Variants in SFSWAP observed in about 807,000 individuals in gnomAD.
SFSWAP encodes splicing factor SWAP.
Under a neutral mutation model 100.7 loss-of-function variants are expected in SFSWAP, and 17 were observed. The ratio of observed to expected loss-of-function variants is 0.17; its 90% CI spans 0.12 to 0.25. SFSWAP has a LOEUF of 0.25. Ranked by LOEUF, SFSWAP falls within the 10% of genes least tolerant of loss-of-function variation. SFSWAP has a pLI of 1.00. For synonymous variants in SFSWAP, 504 were observed against 510.1 expected, an observed-to-expected ratio of 0.99 and a Z score of 0.16; for missense variants, 1,005 against 1,262.6, an observed-to-expected ratio of 0.80 and a Z score of 3.09.
Position 131,714,742 on chromosome 12 carries a change from T to C in SFSWAP, c.389-80T>C, listed in dbSNP as rs935312510. On this transcript the variant is annotated intron_variant, in intron 2 of 17. Transcript: ENST00000261674. This position sits in a 1 kb window ranked among gnomAD's most constrained non-coding sequence, Gnocchi z 6.0. Reference sequence around the variant, plus strand: ...AAAAGTATGTTGTATGCTTTACTGATAGCTACAACTTTAGAAATATATAAA... The same window carrying C: ...AAAAGTATGTTGTATGCTTTACTGACAGCTACAACTTTAGAAATATATAAA... 7.5e-7 allele frequency: 1 copy of C among 1,333,976 alleles called. No homozygotes were observed. The highest frequency in any genetic ancestry group is 1.5e-5 in the African/African-American group (1 of 67,992). 82.6% of individuals were successfully genotyped at this position (1,333,976 alleles called of 1,614,324 possible). A position where few individuals can be genotyped will look rare whatever the true frequency, so the allele number is the denominator to read the frequency against.
chr12:131,784,890 A>G, intron 14 of SFSWAP: 1 of 460,666 alleles, frequency 2.2e-6, no homozygotes. Flanking sequence ...TTCAAAGTTA[A>G]GAATTTGCAG....
intron 12 of SFSWAP, 99 bp from the exon 13 acceptor site, chr12:131,766,019 T>C: frequency 8.3e-7 from 1 of 1,205,544 alleles, no homozygotes; most frequent in Middle Eastern, 2.6e-4. Context: ...AAACTTTAAC[T>C]AACTGCATTG....
chr12:131,766,141 C>T lies in SFSWAP; in HGVS notation c.1975C>T (p.Leu659Phe), dbSNP rs1380630690. The change falls in exon 13 of 18, where the codon CTC becomes TTC. Residue 659 changes from leucine (L) to phenylalanine (F), a missense_variant. Around this residue, in one of 7 missense-constraint regions of SFSWAP, gnomAD observed 82 missense variants for 131.0 expected, o/e 0.63. Transcript: ENST00000261674. ...AGCAAAGCAAAAGCTGGAAGATCGC[C>T]TCGCAGCTGCTGCCCGGGAAAAGCT... ...KQAKQKLEDRLAAAAREKLAQ... is the reference protein window; with the variant it reads ...KQAKQKLEDRFAAAAREKLAQ... 1 of 1,612,698 alleles carries T rather than the reference C, an allele frequency of 6.2e-7. No individual in the cohort carries two copies. Among genetic ancestry groups the T allele is most frequent in the Non-Finnish European group, 8.5e-7 (1 of 1,179,602 alleles).
At chr12:131,795,965 G>C (rs578114848) in intron 15 of SFSWAP, among the ~76,000 whole-genome samples, 1 of 125,230 alleles carries the variant, frequency 8.0e-6, no homozygotes, top group Non-Finnish European at 1.7e-5. Flanking sequence ...CAAGCAGGAC[G>C]GGAGGGGAGG....
At chr12:131,762,150 T>C (rs1313561775) in intron 11 of SFSWAP, among the ~76,000 whole-genome samples, 1 of 152,158 alleles carries the variant, frequency 6.6e-6, no homozygotes, top group Non-Finnish European at 1.5e-5. Flanking sequence ...GGAGAATCGC[T>C]TGAACCTGGG....
chr12:131,761,241 T>G (rs1882654761), intron 11 of SFSWAP, among the ~76,000 whole-genome samples: 1 of 152,184 alleles, frequency 6.6e-6, no homozygotes, highest in East Asian at 1.9e-4. Flanking sequence ...CCACAGAAAA[T>G]GTATATTACT....
chr12:131,783,792 T>TATATATATATATATATATATA (rs1884672091), intron 14 of SFSWAP: 2 of 86,682 alleles, frequency 2.3e-5, no homozygotes, highest in South Asian at 4.3e-4. Flanking sequence ...AAAAAACATT[T>TATATATATATATATATATATA]TATATATATA....
intron 7 of SFSWAP, among the ~76,000 whole-genome samples, chr12:131,737,235 C>T (rs986873010): frequency 1.3e-5 from 2 of 152,002 alleles, no homozygotes; most frequent in African/African-American, 4.8e-5. Context: ...GAGGGCAGCA[C>T]GAGGCAGTCT....
intron 14 of SFSWAP, chr12:131,784,032 C>T (rs966010951): frequency 6.6e-6 from 1 of 151,900 alleles, no homozygotes; most frequent in Non-Finnish European, 1.5e-5. Context: ...GACTCATCTC[C>T]TAATCCTGCC....
chr12:131,785,285 G>T lies in SFSWAP; in HGVS notation c.2409-1178G>T. On this transcript the variant is annotated intron_variant, in intron 14 of 17. Transcript: ENST00000261674. ...TCTGTAAATCTTAGGAAAGGTCTGG[G>T]AAAAAATCAAAACGATTCTGTCCGT... 2.5e-5 allele frequency: 36 copies of T among 1,442,348 alleles called. No homozygotes were observed. In the East Asian group the frequency reaches 3.6e-4, roughly 14 times the overall value. The allele number at this position is 1,442,348 out of a possible 1,614,324, so 89.3% of individuals were successfully genotyped here. A position where few individuals can be genotyped will look rare whatever the true frequency, so the allele number is the denominator to read the frequency against.
chr12:131,749,986 C>T (rs1305115042), intron 7 of SFSWAP, among the ~76,000 whole-genome samples: 1 of 152,164 alleles, frequency 6.6e-6, no homozygotes, highest in African/African-American at 2.4e-5. Flanking sequence ...CAGGCAGAGA[C>T]CCTGTGAGGC....
intron 5 of SFSWAP, 84 bp from the exon 6 acceptor site, chr12:131,726,856 G>T: frequency 1.2e-6 from 1 of 836,928 alleles, no homozygotes; most frequent in South Asian, 1.5e-5. Flanking sequence ...AAGATAACTT[G>T]GCTGCTTCTA....
At chr12:131,747,124 A>C (rs1237283540) in intron 7 of SFSWAP, among the ~76,000 whole-genome samples, 1 of 151,348 alleles carries the variant, frequency 6.6e-6, no homozygotes, top group Non-Finnish European at 1.5e-5. Flanking sequence ...AAAAAAGCTC[A>C]TGCCATGCTC....
rs1885468594 is a variant in SFSWAP, at chr12:131,794,161, A to C, written c.2535-3017A>C. 6.6e-6 allele frequency among the ~76,000 whole-genome samples: 1 copy of C among 152,196 alleles called. No homozygotes were observed. Among genetic ancestry groups the C allele is most frequent in the Admixed American group, 6.5e-5 (1 of 15,286 alleles). On this transcript the variant is annotated intron_variant, in intron 15 of 17. Transcript: ENST00000261674. The surrounding 1 kb of genome is among the most constrained non-coding windows in gnomAD (Gnocchi z 4.8). ...TAATGGTAGCGTCCTGTCCTGTAATACTATTCATCGGTAAAAGGAACAAAT... is the reference window on the plus strand; with the variant it reads ...TAATGGTAGCGTCCTGTCCTGTAATCCTATTCATCGGTAAAAGGAACAAAT...
intron 8 of SFSWAP, among the ~76,000 whole-genome samples, chr12:131,753,719 G>A (rs936016113): frequency 6.6e-6 from 1 of 152,242 alleles, no homozygotes; most frequent in Admixed American, 6.5e-5. Context: ...AAAACATGCA[G>A]GTTCATAAAG....
intron 13 of SFSWAP, among the ~76,000 whole-genome samples, chr12:131,777,773 A>G (rs923562873): frequency 2.0e-5 from 3 of 152,198 alleles, no homozygotes; most frequent in African/African-American, 4.8e-5. Flanking sequence ...CCAGCGTAGC[A>G]TCTCTAATAC....
At chr12:131,720,753 A>G (rs951001125) in intron 4 of SFSWAP, among the ~76,000 whole-genome samples, 1 of 152,168 alleles carries the variant, frequency 6.6e-6, no homozygotes, top group Non-Finnish European at 1.5e-5. Context: ...AGCCCTTTTA[A>G]TTCCTGCCTC....
chr12:131,768,915 G>C (rs1404804116), intron 13 of SFSWAP, among the ~76,000 whole-genome samples: 3 of 152,176 alleles, frequency 2.0e-5, no homozygotes, highest in African/African-American at 7.2e-5. Flanking sequence ...CTTGAGGCCA[G>C]GAGTTCGAGA....
intron 15 of SFSWAP, among the ~76,000 whole-genome samples, chr12:131,788,269 AT>A (rs1885028207): frequency 6.6e-6 from 1 of 152,186 alleles, no homozygotes; most frequent in African/African-American, 2.4e-5. Flanking sequence ...ACCTGCTGAC[AT>A]TCTCACCGAG....
Sources: gnomAD v4.1 joint callset for allele counts (sites outside exome capture counted in the v4.1 genomes callset) on GRCh38, gnomAD v4.1.1 for gene constraint, gnomAD v4.1.1 regional missense constraint, Gnocchi (gnomAD v3.1) non-coding constraint, MANE v1.5 for transcripts, NCBI Gene and HGNC (gene_info 2026-07-23, HGNC 2026-07-21) for gene names.